The following BSN variants were observed in gnomAD, a reference collection of about 807,000 sequenced individuals.
BSN encodes protein bassoon.
A neutral mutation model predicts 264.8 loss-of-function variants in BSN; 57 were observed. That is an observed-to-expected ratio of 0.22 (90% CI 0.17 to 0.27). BSN has a LOEUF of 0.27. BSN is among the 10% of genes least tolerant of loss of function. The pLI, the probability that BSN is intolerant of heterozygous loss-of-function variation, is 1.00. For synonymous variants in BSN, 2,059 were observed against 2,137.3 expected (o/e 0.96, Z 1.01); for missense variants, 4,615 against 5,232.5 (o/e 0.88, Z 3.64).
Position 49,651,029 on chromosome 3 carries a change from A to C in BSN, c.1936A>C (p.Thr646Pro). ...TGGGGTGAGGAGGGCTGAACCTGCCACCCCTGTCGTCAAGGCTGTTCCAGA... is the reference window on the plus strand; with the variant it reads ...TGGGGTGAGGAGGGCTGAACCTGCCCCCCCTGTCGTCAAGGCTGTTCCAGA... ...KSGVRRAEPA[T>P]PVVKAVPEAP... The change falls in exon 4 of 12, where the codon ACC becomes CCC. Residue 646 changes from threonine (T) to proline (P), a missense_variant. By Grantham distance (38) the Thr-to-Pro change is conservative (BLOSUM62 -1). Coordinates refer to ENST00000296452, the MANE Select transcript of BSN (RefSeq NM_003458.4). This position sits in a 1 kb window ranked among gnomAD's most constrained non-coding sequence, Gnocchi z 5.4. 6.2e-7 allele frequency: 1 copy of C among 1,613,588 alleles called. No homozygotes were observed. Among genetic ancestry groups the C allele is most frequent in the Non-Finnish European group, 8.5e-7 (1 of 1,179,872 alleles).
chr3:49,651,906 G>T lies in BSN; in HGVS notation c.2350G>T (p.Asp784Tyr), dbSNP rs1263598880. ...GGAGCTGGAGGATATCCTGGAGGAA[G>T]ACGAAGACTCTGCTGAGTGGAGGCG... ...DEELEDILEE[D>Y]EDSAEWRRRR... The change falls in exon 5 of 12, where the codon GAC becomes TAC. Residue 784 changes from aspartate to tyrosine, a missense_variant. This residue lies in a region of BSN where 1,197 missense variants were observed against 1,348.0 expected (regional missense o/e 0.89). Transcript: ENST00000296452. The surrounding 1 kb of genome is among the most constrained non-coding windows in gnomAD (Gnocchi z 5.4). 1 of 1,613,992 alleles carries T rather than the reference G, an allele frequency of 6.2e-7. No individual in the cohort carries two copies. The highest frequency in any genetic ancestry group is 8.5e-7 in the Non-Finnish European group (1 of 1,180,014).
At chr3:49,557,913 C>T (rs1412957893) in intron 1 of BSN, among the ~76,000 whole-genome samples, 1 of 152,162 alleles carries the variant, frequency 6.6e-6, no homozygotes, top group East Asian at 1.9e-4. Flanking sequence ...AGTCGATCAG[C>T]TAAGGTGTAT....
chr3:49,575,472 G>A (rs1015994478), intron 1 of BSN, among the ~76,000 whole-genome samples: 2 of 146,708 alleles, frequency 1.4e-5, no homozygotes, highest in Non-Finnish European at 1.5e-5. Flanking sequence ...ATATATATAT[G>A]TGTATATATG....
intron 1 of BSN, among the ~76,000 whole-genome samples, chr3:49,560,154 A>G (rs2051701619): frequency 6.6e-6 from 1 of 151,940 alleles, no homozygotes; most frequent in African/African-American, 2.4e-5. Flanking sequence ...TCCTACTCAC[A>G]TTTGGGGGCT....
chr3:49,642,772 A>C lies in BSN; in HGVS notation c.1138A>C (p.Ser380Arg). ...EADTQGQPAP[S>R]KGTPKIVFND... ...TGACACCCAGGGCCAGCCTGCCCCC[A>C]GCAAGGGGACACCTAAGATCGTCTT... Residue 380 changes from serine (S) to arginine (R), a missense_variant, in exon 3 of 12, where the codon AGC (serine) becomes CGC (arginine). Physicochemically the swap from Ser to Arg is moderately radical, Grantham distance 110 (BLOSUM62 -1). Transcript: ENST00000296452. The surrounding 1 kb of genome is among the most constrained non-coding windows in gnomAD (Gnocchi z 7.0). 3.1e-6 allele frequency: 5 copies of C among 1,613,470 alleles called. No individual in the cohort carries two copies. The highest frequency in any genetic ancestry group is 4.2e-6 in the Non-Finnish European group (5 of 1,180,002).
intron 1 of BSN, among the ~76,000 whole-genome samples, chr3:49,594,692 G>A (rs1253329897): frequency 6.6e-6 from 1 of 152,008 alleles, no homozygotes; most frequent in African/African-American, 2.4e-5. Context: ...TTTAGAATGA[G>A]TTTTTCTATG....
chr3:49,555,727 C>T (rs914436200), intron 1 of BSN, among the ~76,000 whole-genome samples: 1 of 152,092 alleles, frequency 6.6e-6, no homozygotes, highest in Non-Finnish European at 1.5e-5. Context: ...AGAGATGACA[C>T]GATAAAATGG....
At chr3:49,581,822 C>CA (rs1448119376) in intron 1 of BSN, among the ~76,000 whole-genome samples, 18 of 146,798 alleles carry the variant, frequency 1.2e-4, no homozygotes, top group African/African-American at 2.5e-4. Context: ...GACTCTGTCT[C>CA]AAAAAAAAAC....
chr3:49,598,053 A>C (rs533044019), intron 1 of BSN, among the ~76,000 whole-genome samples: 37 of 152,234 alleles, frequency 2.4e-4, no homozygotes, highest in African/African-American at 8.9e-4. Context: ...TTAATTTTTT[A>C]GATGTGATTT....
At chr3:49,645,199 C>T (rs1232180670) in intron 3 of BSN, among the ~76,000 whole-genome samples, 1 of 152,214 alleles carries the variant, frequency 6.6e-6, no homozygotes. Context: ...GGTCCTACCT[C>T]ATCCCCAGCT....
At position 49,657,440 on chromosome 3, in the gene BSN, C is replaced by T. The variant is rs1196698164; in HGVS notation, c.7884C>T (p.Arg2628=). The T allele has an allele frequency of 3.1e-6, 5 of 1,612,886 alleles. No homozygotes were observed. Among genetic ancestry groups the T allele is most frequent in the Non-Finnish European group, 4.2e-6 (5 of 1,179,870 alleles). ...CTGAGTGGGAGCAGCCAGTGCGCCG[C>T]CGCAGGTCTCGTCTTCCCCGCCACT... is the stretch of plus-strand genomic sequence containing the variant. The part of the protein sequence containing the change: ...DSAEWEQPVR[R]RRSRLPRHSD... Residue 2628 remains arginine, a synonymous_variant, in exon 5 of 12, where the codon CGC becomes CGT. Transcript: ENST00000296452.
chr3:49,607,112 C>G (rs1433350207), intron 1 of BSN, among the ~76,000 whole-genome samples: 1 of 152,178 alleles, frequency 6.6e-6, no homozygotes, highest in Admixed American at 6.5e-5. Flanking sequence ...GGTCTCTCCT[C>G]TTTTGTCAGA....
intron 1 of BSN, among the ~76,000 whole-genome samples, chr3:49,567,076 A>T (rs1168493396): frequency 6.6e-6 from 1 of 152,302 alleles, no homozygotes; most frequent in Middle Eastern, 3.4e-3. Flanking sequence ...ATGCCCTCCA[A>T]ACTGGGTTGA....
chr3:49,578,162 T>C (rs1482117877), intron 1 of BSN, among the ~76,000 whole-genome samples: 1 of 152,190 alleles, frequency 6.6e-6, no homozygotes, highest in Non-Finnish European at 1.5e-5. Flanking sequence ...GGCTGTAGGC[T>C]CGGCTATCCT....
At chr3:49,571,359 A>G (rs975572384) in intron 1 of BSN, among the ~76,000 whole-genome samples, 1 of 152,042 alleles carries the variant, frequency 6.6e-6, no homozygotes, top group Non-Finnish European at 1.5e-5. Context: ...GGAATAAGAA[A>G]GCTTTCATGT....
At chr3:49,594,686 GA>G (rs2052007289) in intron 1 of BSN, among the ~76,000 whole-genome samples, 1 of 151,978 alleles carries the variant, frequency 6.6e-6, no homozygotes, top group Non-Finnish European at 1.5e-5. Context: ...ATAAATTTTA[GA>G]ATGAGTTTTT....
At chr3:49,590,977 A>G (rs1575431080) in intron 1 of BSN, among the ~76,000 whole-genome samples, 2 of 151,968 alleles carry the variant, frequency 1.3e-5, no homozygotes, top group South Asian at 4.2e-4. Flanking sequence ...CCTGGGAGGC[A>G]GGAGAATCCC....
At chr3:49,595,922 T>TA (rs1559600643) in intron 1 of BSN, among the ~76,000 whole-genome samples, 2 of 152,112 alleles carry the variant, frequency 1.3e-5, no homozygotes, top group Admixed American at 1.3e-4. Flanking sequence ...GTTTAAATAT[T>TA]AAAAAAAAGA....
chr3:49,656,273 C>T lies in BSN; in HGVS notation c.6717C>T (p.Thr2239=), dbSNP rs1170027255. ...ASGGITAVPL[T]SLTRVPMIAP... is the part of the protein sequence containing the mutation. ...GTGGAATCACAGCCGTGCCACTCAC[C>T]AGTCTGACACGTGTGCCCATGATTG... Residue 2239 remains threonine, a synonymous_variant, in exon 5 of 12, where the codon ACC becomes ACT. Coordinates refer to ENST00000296452, the MANE Select transcript of BSN (RefSeq NM_003458.4). 5.0e-6 allele frequency: 8 copies of T among 1,613,008 alleles called. No individual in the cohort carries two copies. The highest frequency in any genetic ancestry group is 1.1e-5 in the South Asian group (1 of 90,978).
Sources: allele counts gnomAD v4.1 joint callset (sites outside exome capture counted in the v4.1 genomes callset), GRCh38; gene constraint gnomAD v4.1.1; regional missense constraint gnomAD v4.1.1; non-coding constraint Gnocchi (gnomAD v3.1); transcripts MANE v1.5; gene names NCBI Gene and HGNC (gene_info 2026-07-23, HGNC 2026-07-21).